TMBIM6: variants seen among roughly 807,000 people sequenced by gnomAD.
TMBIM6 encodes the protein bax inhibitor 1.
In TMBIM6, 13 loss-of-function variants were observed where a neutral mutation model predicts 31.4. That is an observed-to-expected ratio of 0.41 (90% CI 0.27 to 0.66). The LOEUF (loss-of-function observed/expected upper bound fraction) is 0.66, where lower values mean the gene tolerates loss of function less well. TMBIM6 is among the 30% of genes least tolerant of loss of function. The probability of loss-of-function intolerance (pLI) is 0.28; values close to 1 mark genes in which losing one functional copy is unlikely to be tolerated. For synonymous variants in TMBIM6, 85 were observed against 101.7 expected (o/e 0.84, Z 0.99); for missense variants, 275 against 289.5 (o/e 0.95, Z 0.36).
At chr12:49,751,618 T>C (rs1039928279) in intron 1 of TMBIM6, among the ~76,000 whole-genome samples, 5 of 152,082 alleles carry the variant, frequency 3.3e-5, no homozygotes, top group African/African-American at 1.2e-4. Flanking sequence ...AGTTCTTAAA[T>C]GTGTTAGGTT....
rs998176680 is a variant in TMBIM6 at position 49,755,284 on chromosome 12, A to C, written c.166-351A>C. 4.6e-5 allele frequency among the ~76,000 whole-genome samples: 7 copies of C among 151,938 alleles called. No homozygotes were observed. The East Asian group carries it at 1.2e-3, about 25-fold the overall frequency. ...AAGTGACCAAAGGGGGATCATTTCT[A>C]TTTGTTCTACAGATGGAATGTACTT... On this transcript the variant is annotated intron_variant, in intron 3 of 9. Transcript: ENST00000267115.
At chr12:49,760,703 A>AT (rs748410844) in intron 8 of TMBIM6, among the ~76,000 whole-genome samples, 1 of 151,638 alleles carries the variant, frequency 6.6e-6, no homozygotes, top group Non-Finnish European at 1.5e-5. Context: ...CGTCCAGCTA[A>AT]TTTCTGTAAT....
intron 1 of TMBIM6, chr12:49,742,149 T>A: frequency 6.2e-7 from 1 of 1,612,294 alleles, no homozygotes; most frequent in Non-Finnish European, 8.5e-7. Flanking sequence ...GTCACACTCC[T>A]CTGTGACACG....
At chr12:49,762,108 G>A (rs1480075818) in intron 9 of TMBIM6, 10 of 261,670 alleles carry the variant, frequency 3.8e-5, no homozygotes, top group Non-Finnish European at 7.2e-5. Context: ...GTAAATTTCA[G>A]AAGTAGACTA....
In TMBIM6 at chr12:49,748,209, T is replaced by TTTTG. The variant is rs1555228297; in HGVS notation, c.-30-4252_-30-4251insGTTT. ...GAGCCACCGCACCCAGCCTGTTTTT[T>TTTTG]TTTTGTTTTGTTTTGTTTTGTTTTT... On this transcript the variant is annotated intron_variant, in intron 1 of 9. Coordinates refer to ENST00000267115, the MANE Select transcript of TMBIM6 (RefSeq NM_003217.3). 7.7e-3 allele frequency among the ~76,000 whole-genome samples: 1,178 copies of TTTTG among 152,202 alleles called. 6 individuals are homozygous for TTTTG. The highest frequency in any genetic ancestry group is 0.012 in the Non-Finnish European group (807 of 68,006).
intron 1 of TMBIM6, among the ~76,000 whole-genome samples, chr12:49,751,541 G>A (rs890937407): frequency 2.6e-5 from 4 of 151,956 alleles, no homozygotes; most frequent in African/African-American, 7.3e-5. Context: ...CCTCCTTTCT[G>A]CATAAATTCC....
chr12:49,753,337 C>T (rs984896781), intron 3 of TMBIM6, among the ~76,000 whole-genome samples: 3 of 152,206 alleles, frequency 2.0e-5, no homozygotes, highest in African/African-American at 7.2e-5. Context: ...GACCCCCACC[C>T]ACTGAGTAGG....
chr12:49,758,784 T>G (rs763337231), intron 7 of TMBIM6, 22 bp downstream of exon 7: 8 of 1,602,104 alleles, frequency 5.0e-6, no homozygotes, highest in Non-Finnish European at 6.0e-6. Context: ...CCTGGAACTT[T>G]CCAGCAGCCA....
At chr12:49,745,455 T>G (rs763053895) in intron 1 of TMBIM6, among the ~76,000 whole-genome samples, 19 of 152,186 alleles carry the variant, frequency 1.2e-4, no homozygotes, top group South Asian at 6.2e-4. Context: ...CCAGGCATGG[T>G]GGCTCATGCC....
chr12:49,742,475 A>G (rs1945315500), intron 1 of TMBIM6: 3 of 665,608 alleles, frequency 4.5e-6, no homozygotes, highest in South Asian at 5.5e-5. Flanking sequence ...GCTTGGGGTC[A>G]TCAGCCTTTC....
Position 49,758,207 on chromosome 12 carries a change from C to G in TMBIM6, c.287-20C>G, listed in dbSNP as rs756638019. 3.2e-5 allele frequency: 51 copies of G among 1,613,934 alleles called. No individual in the cohort carries two copies. In the South Asian group the frequency reaches 5.4e-4, roughly 17 times the overall value. The stretch of plus-strand genomic sequence containing the variant: ...CAAGAATTGATCGTAATACTGTGTT[C>G]TGGGTTTTCTGTTTTCTAGGAGTTG... On this transcript the variant is annotated intron_variant, in intron 4 of 9. Coordinates refer to ENST00000267115, the MANE Select transcript of TMBIM6 (RefSeq NM_003217.3).
rs878972671 is a variant in TMBIM6 at position 49,758,554 on chromosome 12, C to T, written c.433+74C>T. ...ATTCTCACTAGTACTCCTTCCTTAC[C>T]CCTAACTCCTTTGCGACTATTGAGT... is the stretch of plus-strand genomic sequence containing the variant. On this transcript the variant is annotated intron_variant, in intron 6 of 9. Coordinates refer to ENST00000267115, the MANE Select transcript of TMBIM6 (RefSeq NM_003217.3). The T allele has an allele frequency of 2.5e-4, 387 of 1,554,792 alleles. 3 individuals are homozygous for T. In the South Asian group the frequency reaches 3.0e-3, roughly 12 times the overall value.
In TMBIM6 at chr12:49,753,062, T is replaced by C; in HGVS notation, c.146T>C (p.Met49Thr). ...GCGGCTGCAGGGGCCTATGTCCATA[T>C]GGTCACTCATTTCATTCAGGTAAGA... ...FVAAAGAYVH[M>T]VTHFIQAGLL... Residue 49 changes from methionine to threonine, a missense_variant, in exon 3 of 10, where the codon ATG becomes ACG. By Grantham distance (81) the Met-to-Thr change is moderately conservative. Coordinates refer to ENST00000267115, the MANE Select transcript of TMBIM6 (RefSeq NM_003217.3). 1.9e-6 allele frequency: 3 copies of C among 1,613,916 alleles called. No individual in the cohort carries two copies. The highest frequency in any genetic ancestry group is 2.2e-5 in the East Asian group (1 of 44,868).
intron 7 of TMBIM6, 109 bp from the exon 8 acceptor site, chr12:49,759,112 G>A: frequency 1.1e-6 from 1 of 924,606 alleles, no homozygotes; most frequent in Non-Finnish European, 1.7e-6. Flanking sequence ...AATGTTCATA[G>A]GGTTCACATT....
intron 9 of TMBIM6, 106 bp downstream of exon 9, chr12:49,761,885 G>T: frequency 8.2e-6 from 9 of 1,098,540 alleles, no homozygotes; most frequent in Non-Finnish European, 1.2e-5. Flanking sequence ...TTAGGTCCAG[G>T]GTAACTGTAA....
chr12:49,742,242 G>C, intron 1 of TMBIM6: 1 of 1,612,188 alleles, frequency 6.2e-7, no homozygotes, highest in East Asian at 2.2e-5. Context: ...AGGCCCACGG[G>C]GCGGCCCCGC....
intron 1 of TMBIM6, chr12:49,742,430 G>T: frequency 8.7e-7 from 1 of 1,145,896 alleles, no homozygotes; most frequent in South Asian, 1.7e-5. Context: ...TATATTTACT[G>T]AGTGTAGAAT....
In TMBIM6 at chr12:49,761,788, G is replaced by C. The variant is rs370478257; in HGVS notation, c.690+9G>C. 13 of 1,613,840 alleles carry C rather than the reference G, an allele frequency of 8.1e-6. No homozygotes were observed. The African/African-American group carries it at 1.6e-4, about 20-fold the overall frequency. On this transcript the variant is annotated intron_variant, in intron 9 of 9. Coordinates refer to ENST00000267115, the MANE Select transcript of TMBIM6 (RefSeq NM_003217.3). ...TGGCCATGAATGAAAAGGTTAGTTA[G>C]CCTACAACCCAAAGATGAGACAATA...
At chr12:49,744,599 A>T (rs1444484685) in intron 1 of TMBIM6, 1 of 152,142 alleles carries the variant, frequency 6.6e-6, no homozygotes, top group African/African-American at 2.4e-5. Context: ...AGCACTCTTG[A>T]TCTGATAATA....
Sources: gnomAD v4.1 joint callset for allele counts (sites outside exome capture counted in the v4.1 genomes callset) on GRCh38, gnomAD v4.1.1 for gene constraint, MANE v1.5 for transcripts, NCBI Gene and HGNC (gene_info 2026-07-23, HGNC 2026-07-21) for gene names.